The following RBFOX1 variants were observed in gnomAD, a reference collection of about 807,000 sequenced individuals.
RBFOX1 encodes the protein RNA binding protein fox-1 homolog 1.
In RBFOX1, 8 loss-of-function variants were observed where a neutral mutation model predicts 57.7. That is an observed-to-expected ratio of 0.14 (90% CI 0.08 to 0.25). The LOEUF (loss-of-function observed/expected upper bound fraction) is 0.25. Ranked by LOEUF, RBFOX1 falls within the 10% of genes least tolerant of loss-of-function variation. The pLI is 1.00. For missense variants in RBFOX1, 611 were observed against 548.5 expected (o/e 1.11, Z -1.14); for synonymous variants, 326 against 222.4 (o/e 1.47, Z -4.15).
intron 3 of RBFOX1, among the ~76,000 whole-genome samples, chr16:7,013,589 T>C (rs2093756711): frequency 1.3e-5 from 2 of 152,214 alleles, no homozygotes; most frequent in South Asian, 2.1e-4. Context: ...TAACCTATCA[T>C]TGCAACACAA....
At chr16:7,087,005 A>C (rs995576087) in intron 4 of RBFOX1, among the ~76,000 whole-genome samples, 7 of 152,162 alleles carry the variant, frequency 4.6e-5, no homozygotes, top group African/African-American at 1.4e-4. Context: ...AGCGATGGGC[A>C]GGACCGCAGC....
intron 4 of RBFOX1, among the ~76,000 whole-genome samples, chr16:7,249,807 C>A (rs937053573): frequency 2.6e-5 from 4 of 151,738 alleles, no homozygotes; most frequent in African/African-American, 9.7e-5. Context: ...CCAGGACTTT[C>A]TGGAGTCAGT....
chr16:6,833,288 C>G (rs1053769700), intron 3 of RBFOX1, among the ~76,000 whole-genome samples: 3 of 152,030 alleles, frequency 2.0e-5, no homozygotes, highest in Admixed American at 6.6e-5. Flanking sequence ...GCCTCAGCCT[C>G]CTGAGTACCT....
intron 4 of RBFOX1, among the ~76,000 whole-genome samples, chr16:7,272,459 C>T (rs1465271123): frequency 6.6e-6 from 1 of 152,206 alleles, no homozygotes; most frequent in Non-Finnish European, 1.5e-5. Flanking sequence ...GCTGGAATTA[C>T]AGGCATCAGC....
chr16:6,954,350 A>T (rs2081336220), intron 3 of RBFOX1, among the ~76,000 whole-genome samples: 1 of 152,160 alleles, frequency 6.6e-6, no homozygotes, highest in Admixed American at 6.5e-5. Flanking sequence ...TTATAGTTAC[A>T]ATAACGGTCT....
intron 2 of RBFOX1, among the ~76,000 whole-genome samples, chr16:6,638,179 A>C (rs377688493): frequency 6.6e-6 from 1 of 152,150 alleles, no homozygotes; most frequent in Admixed American, 6.5e-5. Flanking sequence ...TTGCATATAA[A>C]AATGAAATGA....
chr16:5,832,408 G>A (rs1481859631), intron 3 of RBFOX1, among the ~76,000 whole-genome samples: 1 of 152,230 alleles, frequency 6.6e-6, no homozygotes, highest in African/African-American at 2.4e-5. Context: ...CTTCCTAGCT[G>A]TGTGATCTTG....
At chr16:6,082,239 G>C (rs28391133) in intron 1 of RBFOX1, among the ~76,000 whole-genome samples, 25,955 of 137,470 alleles carry the variant, frequency 0.19, 4,271 homozygotes, top group African/African-American at 0.43. Flanking sequence ...GGAGTGTAGT[G>C]GTGCAATCTC....
intron 1 of RBFOX1, among the ~76,000 whole-genome samples, chr16:6,225,019 CAAAAAAA>C (rs59261521): frequency 3.9e-5 from 3 of 76,062 alleles, no homozygotes; most frequent in African/African-American, 4.6e-5. Context: ...AACTCCATCT[CAAAAAAA>C]AAAAAAAAAA....
intron 1 of RBFOX1, among the ~76,000 whole-genome samples, chr16:6,138,390 G>A (rs796367985): frequency 3.3e-5 from 5 of 152,296 alleles, no homozygotes; most frequent in African/African-American, 9.6e-5. Context: ...TGAAGTCAAC[G>A]TGTCAGCCTG....
chr16:7,688,828 C>G (rs1051858213), intron 14 of RBFOX1, among the ~76,000 whole-genome samples: 7 of 152,040 alleles, frequency 4.6e-5, no homozygotes, highest in Non-Finnish European at 4.4e-5. Context: ...TTAATTCTTT[C>G]TCTCAATTAT....
intron 3 of RBFOX1, among the ~76,000 whole-genome samples, chr16:6,793,421 C>T (rs146865255): frequency 2.6e-5 from 4 of 151,968 alleles, no homozygotes; most frequent in African/African-American, 9.7e-5. Flanking sequence ...CTTACCTGTT[C>T]GTAATACAGA....
chr16:5,842,102 TGG>T (rs1567613108), intron 3 of RBFOX1, among the ~76,000 whole-genome samples: 1 of 152,142 alleles, frequency 6.6e-6, no homozygotes. Context: ...GTCAGGTTCC[TGG>T]AGAGAGGCCT....
chr16:7,457,240 C>A (rs1187570304), intron 4 of RBFOX1, among the ~76,000 whole-genome samples: 1 of 152,050 alleles, frequency 6.6e-6, no homozygotes, highest in Non-Finnish European at 1.5e-5. Flanking sequence ...CAAGCAGTGG[C>A]TCCAGATATC....
At chr16:7,226,006 G>T (rs1412066847) in intron 4 of RBFOX1, among the ~76,000 whole-genome samples, 1 of 151,686 alleles carries the variant, frequency 6.6e-6, no homozygotes, top group Non-Finnish European at 1.5e-5. Context: ...AATGGGCCTT[G>T]CTGAATCTGT....
downstream of RBFOX1, among the ~76,000 whole-genome samples, chr16:5,601,836 C>T (rs187264516): frequency 6.6e-6 from 1 of 152,326 alleles, no homozygotes; most frequent in East Asian, 1.9e-4. Context: ...TCTGAGATGG[C>T]TCCATTTCCC....
intron 3 of RBFOX1, among the ~76,000 whole-genome samples, chr16:6,882,309 A>T (rs1448180661): frequency 6.6e-6 from 1 of 152,140 alleles, no homozygotes; most frequent in Non-Finnish European, 1.5e-5. Flanking sequence ...ACTGGGTCTC[A>T]TCCTTGTTGT....
intron 2 of RBFOX1, among the ~76,000 whole-genome samples, chr16:5,543,232 T>C (rs2045039884): frequency 6.6e-6 from 1 of 151,950 alleles, no homozygotes; most frequent in African/African-American, 2.4e-5. Context: ...CAACCTAAAA[T>C]GAGTAGAAAC....
rs79424414 is a variant in RBFOX1 at position 6,593,561 on chromosome 16, C to T, written c.-63-61042C>T. Among the ~76,000 whole-genome samples, 1,142 of 152,236 alleles carry T rather than the reference C, an allele frequency of 7.5e-3. 11 individuals carry two copies. Among genetic ancestry groups the T allele is most frequent in the African/African-American group, 0.026 (1,074 of 41,546 alleles). ...CGAGGATTGTGGCTTTGCTTTGGTC[C>T]TATTTGTTTTCATTTGTTGCTTCTC... On this transcript the variant is annotated intron_variant, in intron 2 of 15. Coordinates refer to ENST00000550418, the MANE Select transcript of RBFOX1 (RefSeq NM_018723.4).
Sources: gnomAD v4.1 joint callset for allele counts (sites outside exome capture counted in the v4.1 genomes callset) on GRCh38, gnomAD v4.1.1 for gene constraint, MANE v1.5 for transcripts, NCBI Gene and HGNC (gene_info 2026-07-23, HGNC 2026-07-21) for gene names.